COL5A3: variants seen among roughly 807,000 people sequenced by gnomAD.
The protein encoded by COL5A3 is collagen type V alpha 3 chain.
Under a neutral mutation model 250.0 loss-of-function variants are expected in COL5A3, and 172 were observed. That is an observed-to-expected ratio of 0.69 (90% confidence interval 0.61 to 0.78). COL5A3 has a LOEUF of 0.78. Among genes scored for constraint, COL5A3 ranks in the 30% least tolerant of loss-of-function variants. The pLI, the probability that COL5A3 is intolerant of heterozygous loss-of-function variation, is 0.00. For synonymous variants in COL5A3, 937 were observed against 900.4 expected, an observed-to-expected ratio of 1.04 and a Z score of -0.73; for missense variants, 2,340 against 2,334.4, an observed-to-expected ratio of 1.00 and a Z score of -0.05.
chr19:10,010,209 CACG>C, intron 1 of COL5A3, 86 bp downstream of exon 1: 49 of 870,336 alleles, frequency 5.6e-5, no homozygotes, highest in Non-Finnish European at 7.1e-5. Context: ...CCTTCCCCTC[CACG>C]CCCCTCCACC....
At chr19:9,983,606 G>C (rs371873759) in intron 31 of COL5A3, among the ~76,000 whole-genome samples, 9,416 of 115,672 alleles carry the variant, frequency 0.081, 804 homozygotes, top group African/African-American at 0.097. Flanking sequence ...GAAAGAGAAA[G>C]AGAGAGAGAG....
At chr19:9,989,021 A>G (rs757732290) in intron 27 of COL5A3, 103 bp downstream of exon 27, 36 of 1,262,642 alleles carry the variant, frequency 2.9e-5, no homozygotes, top group Non-Finnish European at 4.2e-5. Context: ...GGCCTGGCCA[A>G]CTGATTCCCC....
At chr19:10,005,436 C>A in intron 4 of COL5A3, 122 bp downstream of exon 4, 1 of 1,023,128 alleles carries the variant, frequency 9.8e-7, no homozygotes, top group East Asian at 2.4e-5. Flanking sequence ...ACTCGCTTCC[C>A]TTAGCTTCCT....
chr19:9,996,898 G>T, intron 11 of COL5A3: 1 of 569,306 alleles, frequency 1.8e-6, no homozygotes, highest in Non-Finnish European at 3.1e-6. Context: ...GAGACAAAGA[G>T]AAGGGGAGAG....
intron 8 of COL5A3, 125 bp downstream of exon 8, chr19:10,001,399 G>T: frequency 1.1e-6 from 1 of 905,712 alleles, no homozygotes; most frequent in Non-Finnish European, 1.6e-6. Context: ...TGCCCACCTA[G>T]GTCTCCCAAA....
Position 9,972,899 on chromosome 19 carries a change from C to A in COL5A3, c.3774+20G>T. ...AAGTGCCCCCTCCCATGTCTGCCCCCACTTCCCCCCAGGACTCACCACGCT... is the reference window on the plus strand; with the variant it reads ...AAGTGCCCCCTCCCATGTCTGCCCCAACTTCCCCCCAGGACTCACCACGCT... On this transcript the variant is annotated intron_variant, in intron 51 of 66. Transcript: ENST00000264828. The A allele has an allele frequency of 6.4e-7, 1 of 1,550,406 alleles. No individual in the cohort carries two copies. Among genetic ancestry groups the A allele is most frequent in the Non-Finnish European group, 8.7e-7 (1 of 1,147,634 alleles).
chr19:9,966,751 G>T lies in COL5A3; in HGVS notation c.4459-5C>A, dbSNP rs2086754165. ...ATGCAGCTCGGCAGGGGCACCCTGG[G>T]CGTAGGGGATGGGGACGGAGAAGAG... On this transcript the variant is annotated splice_region_variant and splice_polypyrimidine_tract_variant and intron_variant, in intron 62 of 66. Transcript: ENST00000264828. 2 of 1,532,244 alleles carry T rather than the reference G, an allele frequency of 1.3e-6. No individual in the cohort carries two copies. The highest frequency in any genetic ancestry group is 2.0e-5 in the Admixed American group (1 of 50,854). The allele number at this position is 1,532,244 out of a possible 1,614,324, so 94.9% of individuals were successfully genotyped here. A position where few individuals can be genotyped will look rare whatever the true frequency, so the allele number is the denominator to read the frequency against.
At chr19:10,006,374 G>A (rs991650003) in intron 1 of COL5A3, 143 bp from the exon 2 acceptor site, 4 of 816,508 alleles carry the variant, frequency 4.9e-6, no homozygotes, top group Non-Finnish European at 7.3e-6. Context: ...TCAGGAAGAA[G>A]GAGCCGGCCT....
intron 65 of COL5A3, 146 bp downstream of exon 65, chr19:9,962,673 G>A (rs2086689460): frequency 1.6e-6 from 1 of 607,088 alleles, no homozygotes; most frequent in Non-Finnish European, 3.0e-6. Flanking sequence ...TGATGCTGCT[G>A]CCACCCCACC....
At chr19:9,989,043 C>A in intron 27 of COL5A3, 81 bp downstream of exon 27, 2 of 1,449,720 alleles carry the variant, frequency 1.4e-6, no homozygotes, top group South Asian at 2.3e-5. Context: ...CTCCACACAT[C>A]CAGAAGTTTC....
At chr19:9,961,404 G>A (rs1014513271) in intron 65 of COL5A3, among the ~76,000 whole-genome samples, 14 of 151,306 alleles carry the variant, frequency 9.3e-5, no homozygotes, top group East Asian at 1.9e-4. Flanking sequence ...TTGCTCTTTC[G>A]CGCAAGTTGG....
chr19:9,997,457 G>A, intron 10 of COL5A3, 24 bp from the exon 11 acceptor site: 1 of 1,543,484 alleles, frequency 6.5e-7, no homozygotes, highest in Non-Finnish European at 8.8e-7. Flanking sequence ...AGAAACAGGA[G>A]TCACAGGAAG....
intron 54 of COL5A3, 55 bp from the exon 55 acceptor site, chr19:9,969,977 G>A: frequency 8.0e-6 from 12 of 1,494,818 alleles, no homozygotes; most frequent in Non-Finnish European, 1.0e-5. Flanking sequence ...GGTCAGAGGG[G>A]TGAGTGGGGT....
intron 28 of COL5A3, 41 bp downstream of exon 28, chr19:9,986,673 T>C (rs761760474): frequency 8.1e-6 from 13 of 1,613,628 alleles, no homozygotes; most frequent in East Asian, 2.2e-5. Context: ...GACCCCATGA[T>C]TGGGACTCCC....
rs553367271 is a variant in COL5A3 at position 9,979,282 on chromosome 19, G to C, written c.2767-43C>G. The C allele has an allele frequency of 8.1e-6, 13 of 1,603,230 alleles. No individual in the cohort carries two copies. In the South Asian group the frequency reaches 8.8e-5, roughly 11 times the overall value. On this transcript the variant is annotated intron_variant, in intron 38 of 66. Transcript: ENST00000264828. ...TCCTGTTGAGTGGGGGTGGCCTAGG[G>C]GAGTCGCTCAGGAGTCCAGCTTTCC...
At chr19:9,973,159 A>G (rs1007605801) in intron 50 of COL5A3, 133 bp from the exon 51 acceptor site, 6 of 722,414 alleles carry the variant, frequency 8.3e-6, no homozygotes, top group Non-Finnish European at 1.3e-5. Context: ...TAGGTTGTCC[A>G]AGGGTCAAAG....
rs956500067 is a variant in COL5A3, at chr19:9,985,884, C to T, written c.2364G>A (p.Gly788=). ...CTGGATAACCTGGGAGGCCTGGCAC[C>T]CCAAGCTTGCCCTGCAGAAAGGTTA... is the stretch of plus-strand genomic sequence containing the variant. ...PGSAGEKGKL[G]VPGLPGYPGR... The change falls in exon 31 of 67, where the codon GGG becomes GGA. Residue 788 remains glycine (G), a synonymous_variant. Transcript: ENST00000264828. 2 of 1,613,896 alleles carry T rather than the reference C, an allele frequency of 1.2e-6. No individual in the cohort carries two copies. The highest frequency in any genetic ancestry group is 1.3e-5 in the African/African-American group (1 of 74,900).
rs2086651900 is a variant in COL5A3, at chr19:9,960,191, G to A, written c.*220C>T. 7 of 599,356 alleles carry A rather than the reference G, an allele frequency of 1.2e-5. No individual in the cohort carries two copies. The highest frequency in any genetic ancestry group is 6.0e-5 in the Admixed American group (2 of 33,340). The allele number at this position is 599,356 out of a possible 1,614,324, so 37.1% of individuals were successfully genotyped here. ...GGGAGAAAGAGCCAGACTGCAGTAT[G>A]CCACCTGGAATGGGGTGAGAGGAGG... On this transcript the variant is annotated 3_prime_UTR_variant, in exon 67 of 67. Coordinates refer to ENST00000264828, the MANE Select transcript of COL5A3 (RefSeq NM_015719.4).
chr19:9,970,672 G>A lies in COL5A3; in HGVS notation c.3886C>T (p.Pro1296Ser). The change falls in exon 54 of 67, where the codon CCG becomes TCG. Residue 1296 changes from proline (P) to serine (S), a missense_variant. Around this residue, in one of 3 missense-constraint regions of COL5A3, gnomAD observed 1,179 missense variants for 1,162.6 expected, o/e 1.01. Coordinates refer to ENST00000264828, the MANE Select transcript of COL5A3 (RefSeq NM_015719.4). The part of the protein sequence containing the change: ...GDPGDVGGPG[P>S]PGASGEPGAP... ...CCGGGCTCCCCAGAAGCTCCAGGCG[G>A]ACCCTGGAGGAGACAAGGACACCAG... is the stretch of plus-strand genomic sequence containing the variant. The A allele has an allele frequency of 4.9e-6, 7 of 1,439,916 alleles. No homozygotes were observed. Among genetic ancestry groups the A allele is most frequent in the Non-Finnish European group, 6.4e-6 (7 of 1,096,768 alleles). The allele number at this position is 1,439,916 out of a possible 1,614,324, so 89.2% of individuals were successfully genotyped here. A position where few individuals can be genotyped will look rare whatever the true frequency, so the allele number is the denominator to read the frequency against.
Sources: gnomAD v4.1 joint callset for allele counts (sites outside exome capture counted in the v4.1 genomes callset) on GRCh38, gnomAD v4.1.1 for gene constraint, gnomAD v4.1.1 regional missense constraint, MANE v1.5 for transcripts, NCBI Gene and HGNC (gene_info 2026-07-23, HGNC 2026-07-21) for gene names.